Variants in DPF2 observed in about 807,000 individuals in gnomAD.
The protein encoded by DPF2 is zinc finger protein ubi-d4.
Under a neutral mutation model 59.6 loss-of-function variants are expected in DPF2, and 10 were observed. The ratio of observed to expected loss-of-function variants is 0.17; its 90% CI spans 0.10 to 0.28. The LOEUF is 0.28. DPF2 is among the 10% of genes least tolerant of loss of function. The pLI is 1.00. For synonymous variants in DPF2, 189 were observed against 190.6 expected (o/e 0.99, Z 0.07); for missense variants, 315 against 509.4 (o/e 0.62, Z 3.67).
In DPF2 at chr11:65,341,209, C is replaced by T. The variant is rs369045124; in HGVS notation, c.301+136C>T. On this transcript the variant is annotated intron_variant, in intron 3 of 10. Coordinates refer to ENST00000528416, the MANE Select transcript of DPF2 (RefSeq NM_006268.5). Reference sequence around the variant, plus strand: ...ATGATGTGATTCTTTCCTTTAAGGACCTCAGTCTAGAAGGGGAGACAGGTA... The same window carrying T: ...ATGATGTGATTCTTTCCTTTAAGGATCTCAGTCTAGAAGGGGAGACAGGTA... 8.0e-5 allele frequency: 101 copies of T among 1,256,122 alleles called. 1 individual carries two copies. The Middle Eastern group carries it at 1.2e-3, about 15-fold the overall frequency. The allele number at this position is 1,256,122 out of a possible 1,614,324, so 77.8% of individuals were successfully genotyped here. A position where few individuals can be genotyped will look rare whatever the true frequency, so the allele number is the denominator to read the frequency against.
rs1854705120 is a variant in DPF2, at chr11:65,351,802, TCTC to T, written c.*48_*50del. 6 of 1,577,054 alleles carry T rather than the reference TCTC, an allele frequency of 3.8e-6. No individual in the cohort carries two copies. In the African/African-American group the frequency reaches 6.7e-5, roughly 18 times the overall value. ...TCCCCGACATATCTAAGGCTGTTTC[TCTC>T]CTCCACTTCATATTTCATACCCATC... On this transcript the variant is annotated 3_prime_UTR_variant, in exon 11 of 11. Transcript: ENST00000528416.
intron 1 of DPF2, among the ~76,000 whole-genome samples, chr11:65,337,498 T>TAGAGAGAGAGAG (rs1565527628): frequency 2.1e-5 from 1 of 48,030 alleles, no homozygotes; most frequent in Non-Finnish European, 3.8e-5. Flanking sequence ...TATATATATA[T>TAGAGAGAGAGAG]ATATATAGAG....
At chr11:65,340,568 A>G in intron 2 of DPF2, 23 bp downstream of exon 2, 1 of 1,612,636 alleles carries the variant, frequency 6.2e-7, no homozygotes, top group Non-Finnish European at 8.5e-7. Context: ...ACTTGGGAGA[A>G]GGGGACTCAG....
chr11:65,348,666 G>T (rs1484513816), intron 9 of DPF2, 184 bp from the exon 10 acceptor site: 2 of 487,518 alleles, frequency 4.1e-6, no homozygotes, highest in Non-Finnish European at 7.3e-6. Flanking sequence ...AGCTCTGAAA[G>T]GACCCAAGTG....
In DPF2 at chr11:65,344,816, C is replaced by G. The variant is rs964053067; in HGVS notation, c.637+747C>G. On this transcript the variant is annotated intron_variant, in intron 6 of 10. Transcript: ENST00000528416. ...GCTGCCTTTACCACTGCTTGTTTCC[C>G]ACAAACCTGCTCCTAGAGCTGCTCG... 4.7e-6 allele frequency: 3 copies of G among 631,704 alleles called. No individual in the cohort carries two copies. In the African/African-American group the frequency reaches 5.5e-5, roughly 12 times the overall value. 39.1% of individuals were successfully genotyped at this position (631,704 alleles called of 1,614,324 possible).
intron 2 of DPF2, 125 bp downstream of exon 2, chr11:65,340,670 C>A: frequency 1.5e-6 from 2 of 1,359,308 alleles, no homozygotes; most frequent in Non-Finnish European, 2.0e-6. Flanking sequence ...TGAATATGGT[C>A]TTCCTGTGAT....
At chr11:65,346,104 G>T (rs998146229) in intron 8 of DPF2, 46 bp downstream of exon 8, 9 of 1,610,246 alleles carry the variant, frequency 5.6e-6, no homozygotes, top group Non-Finnish European at 7.6e-6. Context: ...TCCCCAAGGG[G>T]CTCTTGGCTT....
rs527467055 is a variant in DPF2, at chr11:65,347,115, A to C, written c.1017+756A>C. On this transcript the variant is annotated intron_variant, in intron 9 of 10. Transcript: ENST00000528416. ...CTGCAACCTCTGCCTCCTGGGTTCA[A>C]GTGATTCTCCTGCCTCAGCCTCCCA... 111 of 85,624 alleles carry C rather than the reference A, an allele frequency of 1.3e-3. 1 individual carries two copies. The highest frequency in any genetic ancestry group is 3.0e-3 in the African/African-American group (109 of 36,010). 5.3% of individuals were successfully genotyped at this position (85,624 alleles called of 1,614,324 possible).
intron 3 of DPF2, 69 bp from the exon 4 acceptor site, chr11:65,341,330 A>C (rs1854364455): frequency 6.3e-7 from 1 of 1,598,888 alleles, no homozygotes. Flanking sequence ...AAGCCCCAGC[A>C]TTATGTGGAC....
rs536755125 is a variant in DPF2, at chr11:65,342,427, C to T, written c.465+865C>T. ...TGCCTCTGCACTCCAGCCTGGGTAA[C>T]AGAGGGAGACCCTGTCTGGGAAGGG... On this transcript the variant is annotated intron_variant, in intron 4 of 10. Transcript: ENST00000528416. Among the ~76,000 whole-genome samples the T allele has an allele frequency of 5.3e-5, 8 of 152,252 alleles. No individual in the cohort carries two copies. In the East Asian group the frequency reaches 1.4e-3, roughly 26 times the overall value.
intron 6 of DPF2, chr11:65,344,510 CCTG>C (rs1337860671): frequency 3.6e-5 from 53 of 1,475,106 alleles, no homozygotes; most frequent in Non-Finnish European, 4.2e-5. Context: ...GCTCTGCTTT[CCTG>C]CTGCTGCTGC....
intron 9 of DPF2, 21 bp downstream of exon 9, chr11:65,346,380 C>T (rs2307264): frequency 0.012 from 18,702 of 1,598,844 alleles, 138 homozygotes; most frequent in South Asian, 0.017. Context: ...CCGCCCCCTC[C>T]TCAGCATGGC....
At chr11:65,338,412 C>T (rs746573495) in intron 1 of DPF2, among the ~76,000 whole-genome samples, 16 of 152,236 alleles carry the variant, frequency 1.1e-4, no homozygotes, top group South Asian at 6.2e-4. Context: ...ATTCATTCCC[C>T]GCAAAACTGT....
intron 1 of DPF2, among the ~76,000 whole-genome samples, chr11:65,337,525 AG>A (rs1854226797): frequency 7.3e-6 from 1 of 136,368 alleles, no homozygotes; most frequent in African/African-American, 2.7e-5. Context: ...AGAGAGAGAG[AG>A]AGAGAGAGAG....
intron 4 of DPF2, among the ~76,000 whole-genome samples, chr11:65,342,252 C>T (rs1303530165): frequency 6.6e-6 from 1 of 152,116 alleles, no homozygotes; most frequent in Non-Finnish European, 1.5e-5. Context: ...ACTTTTCAGT[C>T]TAGGCAACAT....
chr11:65,346,080 G>A, intron 8 of DPF2, 22 bp downstream of exon 8: 1 of 1,613,910 alleles, frequency 6.2e-7, no homozygotes, highest in East Asian at 2.2e-5. Flanking sequence ...CGTGAAGGCT[G>A]CTGCTTTGCC....
chr11:65,338,755 A>G (rs1854281657), intron 1 of DPF2, among the ~76,000 whole-genome samples: 1 of 152,146 alleles, frequency 6.6e-6, no homozygotes, highest in African/African-American at 2.4e-5. Context: ...TGCTGGGCAC[A>G]TGCTAAGTTA....
At chr11:65,349,144 A>G (rs1854621815) in intron 10 of DPF2, among the ~76,000 whole-genome samples, 1 of 152,226 alleles carries the variant, frequency 6.6e-6, no homozygotes, top group Non-Finnish European at 1.5e-5. Flanking sequence ...CAGAAAATCA[A>G]CAGCCCAGAA....
chr11:65,346,206 G>C (rs746856930), intron 8 of DPF2, 41 bp from the exon 9 acceptor site: 7 of 1,603,252 alleles, frequency 4.4e-6, no homozygotes, highest in Non-Finnish European at 6.0e-6. Flanking sequence ...TCTTCCCCCC[G>C]CATTTCCGAC....
Sources: allele counts gnomAD v4.1 joint callset (sites outside exome capture counted in the v4.1 genomes callset), GRCh38; gene constraint gnomAD v4.1.1; transcripts MANE v1.5; gene names NCBI Gene and HGNC (gene_info 2026-07-23, HGNC 2026-07-21).